SNTG1: variants seen among roughly 807,000 people sequenced by gnomAD.
SNTG1 encodes the protein gamma-1-syntrophin.
SNTG1 carries 39 observed loss-of-function variants against 74.7 expected under a neutral mutation model. The ratio of observed to expected loss-of-function variants is 0.52; its 90% CI spans 0.40 to 0.68. The LOEUF (loss-of-function observed/expected upper bound fraction) is 0.68. Ranked by LOEUF, SNTG1 falls within the 30% of genes least tolerant of loss-of-function variation. The pLI is 0.00. For synonymous variants in SNTG1, 254 were observed against 217.1 expected (o/e 1.17, Z -1.49); for missense variants, 685 against 609.5 (o/e 1.12, Z -1.30).
At chr8:50,442,432 C>T (rs1267168142) in intron 5 of SNTG1, among the ~76,000 whole-genome samples, 1 of 152,030 alleles carries the variant, frequency 6.6e-6, no homozygotes, top group Non-Finnish European at 1.5e-5. Context: ...TATTAGAACC[C>T]TTCTAGGGCT....
At chr8:50,173,083 T>A (rs116843902) in intron 2 of SNTG1, among the ~76,000 whole-genome samples, 2,166 of 148,358 alleles carry the variant, frequency 0.015, 24 homozygotes, top group Non-Finnish European at 0.021. Context: ...CAATGGGGAG[T>A]GGGTTGCGAT....
chr8:50,382,422 T>A (rs1490521371), intron 2 of SNTG1: 2 of 152,096 alleles, frequency 1.3e-5, no homozygotes, highest in Non-Finnish European at 2.9e-5. Context: ...GCTACTAGAG[T>A]TATTTGGATA....
rs1427834509 is a variant in SNTG1 at position 50,708,888 on chromosome 8, C to T, written c.1194C>T (p.Cys398=). ...ACAATACTTTCTGTTCTACCTAGTGCAAGACCTATGCATGTGTGCTAGAAA... is the reference window on the plus strand; with the variant it reads ...ACAATACTTTCTGTTCTACCTAGTGTAAGACCTATGCATGTGTGCTAGAAA... ...ATFLEVERIQ[C]KTYACVLESH... Residue 398 remains cysteine (C), a splice_region_variant and synonymous_variant, in exon 17 of 19, where the codon TGC becomes TGT. Transcript: ENST00000642720. The T allele has an allele frequency of 1.2e-6, 2 of 1,609,482 alleles. No individual in the cohort carries two copies. Among genetic ancestry groups the T allele is most frequent in the Non-Finnish European group, 8.5e-7 (1 of 1,176,088 alleles).
intron 17 of SNTG1, among the ~76,000 whole-genome samples, chr8:50,739,355 A>G (rs1316835406): frequency 6.6e-6 from 1 of 152,154 alleles, no homozygotes; most frequent in African/African-American, 2.4e-5. Context: ...GATCAAAACC[A>G]CAATGAGACA....
At chr8:49,918,773 A>G (rs1344927410) in intron 1 of SNTG1, among the ~76,000 whole-genome samples, 1 of 152,096 alleles carries the variant, frequency 6.6e-6, no homozygotes, top group African/African-American at 2.4e-5. Context: ...AGGGAAAAAC[A>G]ATTCTGCAGT....
intron 12 of SNTG1, among the ~76,000 whole-genome samples, chr8:50,555,755 A>G (rs913978677): frequency 6.6e-6 from 1 of 152,196 alleles, no homozygotes; most frequent in Non-Finnish European, 1.5e-5. Flanking sequence ...AACTGAAAAA[A>G]GGATTAAAAT....
chr8:50,556,102 C>T lies in SNTG1; in HGVS notation c.810+2923C>T, dbSNP rs116846334. Reference sequence around the variant, plus strand: ...AATTGATCATAATGGCTAAAAATACCTAGGCAAACACTGACAATGTAAAAT... The same window carrying T: ...AATTGATCATAATGGCTAAAAATACTTAGGCAAACACTGACAATGTAAAAT... On this transcript the variant is annotated intron_variant, in intron 12 of 18. Transcript: ENST00000642720. 1.4e-4 allele frequency among the ~76,000 whole-genome samples: 21 copies of T among 152,128 alleles called. No homozygotes were observed. The East Asian group carries it at 3.9e-3, about 28-fold the overall frequency.
In SNTG1 at chr8:50,590,881, T is replaced by TA; in HGVS notation, c.820dup (p.Ile274AsnfsTer18). 1.9e-6 allele frequency: 3 copies of TA among 1,563,074 alleles called. No individual in the cohort carries two copies. The highest frequency in any genetic ancestry group is 1.8e-5 in the Admixed American group (1 of 56,046). On this transcript the variant is annotated frameshift_variant, in exon 13 of 19. Transcript: ENST00000642720. LOFTEE classifies it high-confidence loss of function. ...TTATTATTTATTTATCATTGCAGAT[T>TA]AAAAAAATCAACAGAAACTTTCCTG...
intron 1 of SNTG1, among the ~76,000 whole-genome samples, chr8:49,958,564 G>A (rs1810391666): frequency 6.6e-6 from 1 of 152,002 alleles, no homozygotes; most frequent in South Asian, 2.1e-4. Context: ...GGGACTACAG[G>A]CGCCTGCCAC....
chr8:50,009,313 T>C (rs1344775895), intron 1 of SNTG1, among the ~76,000 whole-genome samples: 1 of 152,158 alleles, frequency 6.6e-6, no homozygotes, highest in Non-Finnish European at 1.5e-5. Context: ...AATGTTCTTA[T>C]TGTGCATGAT....
At chr8:50,206,250 G>C (rs918358186) in intron 2 of SNTG1, among the ~76,000 whole-genome samples, 1 of 152,118 alleles carries the variant, frequency 6.6e-6, no homozygotes, top group Non-Finnish European at 1.5e-5. Flanking sequence ...TTGTTGAGCA[G>C]TGTTTTGTAG....
rs33971834 is a variant in SNTG1, at chr8:49,982,603, C to CAAAA, written c.-103+70385_-103+70388dup. Among the ~76,000 whole-genome samples, 39 of 126,268 alleles carry CAAAA rather than the reference C, an allele frequency of 3.1e-4. 1 individual carries two copies. The highest frequency in any genetic ancestry group is 3.6e-4 in the Non-Finnish European group (22 of 61,446). 82.8% of individuals were successfully genotyped at this position (126,268 alleles called of 152,430 possible). On this transcript the variant is annotated intron_variant, in intron 1 of 18. Transcript: ENST00000642720. ...ATCCCAGCTACTCAGGAGGCTGAAG[C>CAAAA]AAAAAAAAAAAAAAAAGTTTGAGCC...
chr8:50,285,477 CAAAA>C (rs2088717114), intron 2 of SNTG1, among the ~76,000 whole-genome samples: 1 of 151,950 alleles, frequency 6.6e-6, no homozygotes, highest in African/African-American at 2.4e-5. Flanking sequence ...ATTGTGGTAA[CAAAA>C]AAGAGCAACT....
Position 50,108,490 on chromosome 8 carries a change from C to T in SNTG1, c.-102-64071C>T, listed in dbSNP as rs1022983972. ...TATTGAGAGTGAAGAAGGTGGTAAA[C>T]GTATTTTCAATGCTATAAAGATGAT... On this transcript the variant is annotated intron_variant, in intron 1 of 18. Transcript: ENST00000642720. Among the ~76,000 whole-genome samples the T allele has an allele frequency of 3.3e-5, 5 of 151,960 alleles. No individual in the cohort carries two copies. In the East Asian group the frequency reaches 7.7e-4, roughly 23 times the overall value.
At chr8:50,207,262 C>A (rs2084290394) in intron 2 of SNTG1, among the ~76,000 whole-genome samples, 1 of 152,124 alleles carries the variant, frequency 6.6e-6, no homozygotes, top group Non-Finnish European at 1.5e-5. Context: ...TTGGTCTATT[C>A]ATGGATTCAA....
intron 1 of SNTG1, among the ~76,000 whole-genome samples, chr8:49,964,547 A>G (rs1810973839): frequency 6.6e-6 from 1 of 152,206 alleles, no homozygotes; most frequent in South Asian, 2.1e-4. Flanking sequence ...AGGCACAGGC[A>G]TATACTCTAT....
At chr8:50,039,662 G>A (rs1465888631) in intron 1 of SNTG1, among the ~76,000 whole-genome samples, 1 of 151,862 alleles carries the variant, frequency 6.6e-6, no homozygotes. Flanking sequence ...TGCCTATAGA[G>A]TATATTCCCT....
intron 1 of SNTG1, among the ~76,000 whole-genome samples, chr8:50,107,865 T>G (rs1428433385): frequency 6.6e-6 from 1 of 152,116 alleles, no homozygotes; most frequent in African/African-American, 2.4e-5. Flanking sequence ...ATCAAGATTT[T>G]TAACAAGAGC....
chr8:49,985,051 G>A (rs1585772444), intron 1 of SNTG1, among the ~76,000 whole-genome samples: 1 of 152,040 alleles, frequency 6.6e-6, no homozygotes, highest in Non-Finnish European at 1.5e-5. Flanking sequence ...AGATTCCTAA[G>A]GTACTAAAAT....
Sources: gnomAD v4.1 joint callset for allele counts (sites outside exome capture counted in the v4.1 genomes callset) on GRCh38, gnomAD v4.1.1 for gene constraint, MANE v1.5 for transcripts, NCBI Gene and HGNC (gene_info 2026-07-23, HGNC 2026-07-21) for gene names.